GRM5: variants seen among roughly 807,000 people sequenced by gnomAD.
GRM5 encodes metabotropic glutamate receptor 5.
Under a neutral mutation model 83.1 loss-of-function variants are expected in GRM5, and 19 were observed. That is an observed-to-expected ratio of 0.23 (90% confidence interval 0.16 to 0.34). The LOEUF is 0.34. Among genes scored for constraint, GRM5 ranks in the 10% least tolerant of loss-of-function variants. The probability of loss-of-function intolerance (pLI) is 1.00; values close to 1 mark genes in which losing one functional copy is unlikely to be tolerated. For synonymous variants in GRM5, 675 were observed against 633.6 expected (o/e 1.07, Z -0.98); for missense variants, 1,160 against 1,588.3 (o/e 0.73, Z 4.58).
At position 89,012,253 on chromosome 11, in the gene GRM5, A is replaced by G. The variant is rs1940721886; in HGVS notation, c.661+34959T>C. Among the ~76,000 whole-genome samples, 2 of 152,200 alleles carry G rather than the reference A, an allele frequency of 1.3e-5. 1 individual carries two copies. Among genetic ancestry groups the G allele is most frequent in the Admixed American group, 1.3e-4 (2 of 15,274 alleles). The stretch of plus-strand genomic sequence containing the variant: ...TTTTGTTGCCATGGAGATTTCGGAA[A>G]TGAAGGTAAAATGTATCTGCATATA... On this transcript the variant is annotated intron_variant, in intron 2 of 9. Coordinates refer to ENST00000305447, the MANE Select transcript of GRM5 (RefSeq NM_001143831.3).
rs774733929 is a variant in GRM5, at chr11:88,567,497, A to G, written c.2186T>C (p.Val729Ala). 1 of 1,614,038 alleles carries G rather than the reference A, an allele frequency of 6.2e-7. No homozygotes were observed. ...IMHDYPSIRE[V>A]YLICNTTNLG... Reference sequence around the variant, plus strand: ...GTTGGTGGTGTTACAGATCAGGTAGACTTCTCGAATGCTTGGGTAGTCATG... The same window carrying G: ...GTTGGTGGTGTTACAGATCAGGTAGGCTTCTCGAATGCTTGGGTAGTCATG... Residue 729 changes from valine to alanine, a missense_variant, in exon 8 of 10, where the codon GTC becomes GCC. Transcript: ENST00000305447. This position sits in a 1 kb window ranked among gnomAD's most constrained non-coding sequence, Gnocchi z 7.3.
intron 8 of GRM5, among the ~76,000 whole-genome samples, chr11:88,547,900 AAT>A (rs1942420507): frequency 6.6e-6 from 1 of 152,200 alleles, no homozygotes; most frequent in Non-Finnish European, 1.5e-5. Context: ...GAACTTGATA[AAT>A]ATGTTTTCTT....
intron 4 of GRM5, among the ~76,000 whole-genome samples, chr11:88,626,514 G>A (rs1565159909): frequency 6.6e-6 from 1 of 152,074 alleles, no homozygotes; most frequent in Admixed American, 6.6e-5. Flanking sequence ...TCTTTTATGT[G>A]TTCGGAAGTG....
At chr11:88,816,703 G>A (rs1410267598) in intron 3 of GRM5, among the ~76,000 whole-genome samples, 1 of 125,660 alleles carries the variant, frequency 8.0e-6, no homozygotes, top group Non-Finnish European at 1.6e-5. Context: ...CTAGTTATTT[G>A]AGAAAAATCA....
chr11:88,724,364 G>A (rs1424530564), intron 3 of GRM5, among the ~76,000 whole-genome samples: 1 of 152,092 alleles, frequency 6.6e-6, no homozygotes, highest in Non-Finnish European at 1.5e-5. Flanking sequence ...CTTACACTGT[G>A]TCCTAAAGTT....
chr11:88,962,240 C>A (rs1938807662), intron 2 of GRM5, among the ~76,000 whole-genome samples: 1 of 152,052 alleles, frequency 6.6e-6, no homozygotes, highest in South Asian at 2.1e-4. Context: ...ATCAGTTTAT[C>A]CATCAGTTTA....
At chr11:89,022,659 TAGAC>T (rs946330194) in intron 2 of GRM5, among the ~76,000 whole-genome samples, 19 of 152,140 alleles carry the variant, frequency 1.2e-4, no homozygotes, top group Admixed American at 1.0e-3. Context: ...CTCAAAGAGA[TAGAC>T]AGACAGACAG....
At chr11:88,990,285 C>G (rs1248506735) in intron 2 of GRM5, among the ~76,000 whole-genome samples, 4 of 152,050 alleles carry the variant, frequency 2.6e-5, no homozygotes, top group Non-Finnish European at 4.4e-5. Context: ...ATTCCTCGAC[C>G]CATACACTTT....
intron 8 of GRM5, among the ~76,000 whole-genome samples, chr11:88,553,980 T>A (rs961072750): frequency 3.9e-5 from 6 of 152,168 alleles, no homozygotes; most frequent in African/African-American, 9.7e-5. Flanking sequence ...GGGATCCAGA[T>A]CTTATGAAGG....
chr11:88,776,345 G>A (rs975947064), intron 3 of GRM5, among the ~76,000 whole-genome samples: 1 of 152,114 alleles, frequency 6.6e-6, no homozygotes, highest in Non-Finnish European at 1.5e-5. Context: ...TTGCATGTGA[G>A]ATGGGTCTCC....
At chr11:88,835,729 T>TA in intron 3 of GRM5, among the ~76,000 whole-genome samples, 1 of 152,178 alleles carries the variant, frequency 6.6e-6, no homozygotes, top group East Asian at 1.9e-4. Flanking sequence ...ATGAGAGGTG[T>TA]AAAAATAACT....
chr11:88,816,866 A>G (rs1052246347), intron 3 of GRM5, among the ~76,000 whole-genome samples: 10 of 151,940 alleles, frequency 6.6e-5, no homozygotes, highest in African/African-American at 2.4e-4. Flanking sequence ...AAACAATTTT[A>G]TGCCCACAAT....
In GRM5 at chr11:88,522,569, T is replaced by TTCTCTCTCTCTCTCTC. The variant is rs146352449; in HGVS notation, c.2726+2724_2726+2739dup. ...AAAGCTTAAGCATGGCAGGTCTCTC[T>TTCTCTCTCTCTCTCTC]TCTCTCTCTCTCTCTCTCGCTCTCT... On this transcript the variant is annotated intron_variant, in intron 9 of 9. Coordinates refer to ENST00000305447, the MANE Select transcript of GRM5 (RefSeq NM_001143831.3). 4.3e-4 allele frequency among the ~76,000 whole-genome samples: 59 copies of TTCTCTCTCTCTCTCTC among 138,808 alleles called. 1 individual carries two copies. The highest frequency in any genetic ancestry group is 1.4e-3 in the African/African-American group (52 of 37,168). The allele number at this position is 138,808 out of a possible 152,430, so 91.1% of individuals were successfully genotyped here.
At chr11:88,880,308 G>A (rs2135572174) in intron 2 of GRM5, among the ~76,000 whole-genome samples, 1 of 152,184 alleles carries the variant, frequency 6.6e-6, no homozygotes, top group African/African-American at 2.4e-5. Flanking sequence ...TAAATAAAAT[G>A]GAATTGCAAA....
chr11:88,811,871 T>C (rs962864652), intron 3 of GRM5, among the ~76,000 whole-genome samples: 7 of 152,038 alleles, frequency 4.6e-5, no homozygotes, highest in Non-Finnish European at 1.0e-4. Flanking sequence ...AGCTCAGTGG[T>C]ACAAATTTAC....
intron 4 of GRM5, among the ~76,000 whole-genome samples, chr11:88,614,319 T>C (rs957802710): frequency 6.6e-6 from 1 of 152,152 alleles, no homozygotes; most frequent in Non-Finnish European, 1.5e-5. Flanking sequence ...TTAAATGTTA[T>C]AGAAAAGTCA....
At chr11:89,058,195 C>T (rs1329335185) in intron 1 of GRM5, among the ~76,000 whole-genome samples, 1 of 152,172 alleles carries the variant, frequency 6.6e-6, no homozygotes, top group Admixed American at 6.6e-5. Flanking sequence ...CATCAGAAAG[C>T]ATACAAACAA....
intron 3 of GRM5, among the ~76,000 whole-genome samples, chr11:88,732,005 G>T (rs1053701162): frequency 2.0e-5 from 3 of 151,892 alleles, no homozygotes; most frequent in Admixed American, 6.6e-5. Flanking sequence ...AGAGTCTCTT[G>T]GATTACATTC....
chr11:88,551,133 C>G (rs754122417), intron 8 of GRM5, among the ~76,000 whole-genome samples: 8 of 152,026 alleles, frequency 5.3e-5, no homozygotes, highest in Non-Finnish European at 1.2e-4. Flanking sequence ...GTAATGTTAC[C>G]TGTCTCATGG....
Sources: gnomAD v4.1 joint callset for allele counts (sites outside exome capture counted in the v4.1 genomes callset) on GRCh38, gnomAD v4.1.1 for gene constraint, Gnocchi (gnomAD v3.1) non-coding constraint, MANE v1.5 for transcripts, NCBI Gene and HGNC (gene_info 2026-07-23, HGNC 2026-07-21) for gene names.